Variants in RHPN2 observed in about 807,000 individuals in gnomAD.
The protein encoded by RHPN2 is rhophilin Rho GTPase binding protein 2.
RHPN2 carries 40 observed loss-of-function variants against 79.0 expected under a neutral mutation model. The ratio of observed to expected loss-of-function variants is 0.51; its 90% CI spans 0.39 to 0.66. The LOEUF is 0.66. RHPN2 is among the 30% of genes least tolerant of loss of function. The probability of loss-of-function intolerance (pLI) is 0.00; values close to 1 mark genes in which losing one functional copy is unlikely to be tolerated. For missense variants in RHPN2, 686 were observed against 883.5 expected (o/e 0.78, Z 2.83); for synonymous variants, 285 against 363.5 (o/e 0.78, Z 2.46).
At chr19:33,012,786 A>G (rs1971845759) in intron 4 of RHPN2, 62 bp from the exon 5 acceptor site, 2 of 913,808 alleles carry the variant, frequency 2.2e-6, no homozygotes, top group Admixed American at 1.7e-5. Context: ...TGTGCATAAT[A>G]GTAATATGTC....
intron 1 of RHPN2, 29 bp downstream of exon 1, chr19:33,064,755 T>TGGCCCC: frequency 9.3e-5 from 133 of 1,427,836 alleles, no homozygotes; most frequent in Non-Finnish European, 1.2e-4. Context: ...AGCCCGCAGG[T>TGGCCCC]CCCCGCCCGC....
In RHPN2 at chr19:33,033,163, G is replaced by A. The variant is rs150425286; in HGVS notation, c.186-6531C>T. The stretch of plus-strand genomic sequence containing the variant: ...ATAGCCCTTTCCACATCATGGGGGC[G>A]CTGAACAAATTTTAGTTCATGGAAG... On this transcript the variant is annotated intron_variant, in intron 2 of 14. Transcript: ENST00000254260. 8.3e-3 allele frequency among the ~76,000 whole-genome samples: 1,257 copies of A among 152,174 alleles called. 9 individuals carry two copies. The highest frequency in any genetic ancestry group is 0.013 in the Non-Finnish European group (911 of 68,010).
chr19:33,009,123 G>A (rs1181309181), intron 6 of RHPN2, among the ~76,000 whole-genome samples: 1 of 152,022 alleles, frequency 6.6e-6, no homozygotes, highest in Non-Finnish European at 1.5e-5. Flanking sequence ...GAGGGAGGGG[G>A]AGCACAAAGG....
intron 1 of RHPN2, among the ~76,000 whole-genome samples, chr19:33,050,754 C>T (rs1026959282): frequency 1.4e-4 from 22 of 152,278 alleles, no homozygotes; most frequent in Non-Finnish European, 2.1e-4. Flanking sequence ...ACTCGGCTCA[C>T]TGCAAACTCC....
At position 33,042,376 on chromosome 19, in the gene RHPN2, G is replaced by A. The variant is rs566306004; in HGVS notation, c.185+1873C>T. ...CGGCCTTCCCAGCACATGACAGGGA[G>A]TCCCAAAATCGGGGGCCTCTCTCAC... On this transcript the variant is annotated intron_variant, in intron 2 of 14. Coordinates refer to ENST00000254260, the MANE Select transcript of RHPN2 (RefSeq NM_033103.5). 3.3e-5 allele frequency among the ~76,000 whole-genome samples: 5 copies of A among 152,270 alleles called. No individual in the cohort carries two copies. In the East Asian group the frequency reaches 9.7e-4, roughly 29 times the overall value.
chr19:32,996,012 T>A lies in RHPN2; in HGVS notation c.1420+14A>T, dbSNP rs775220723. ...AGGCACCCCCACAGAGGGAACACAG[T>A]CTAGGCTACTCACCAACAACACTGG... is the stretch of plus-strand genomic sequence containing the variant. On this transcript the variant is annotated intron_variant, in intron 11 of 14. Transcript: ENST00000254260. 1 of 1,613,816 alleles carries A rather than the reference T, an allele frequency of 6.2e-7. No homozygotes were observed. Among genetic ancestry groups the A allele is most frequent in the Non-Finnish European group, 8.5e-7 (1 of 1,179,774 alleles).
At chr19:33,044,404 C>G (rs1972125710) in intron 1 of RHPN2, 40 bp from the exon 2 acceptor site, 1 of 1,344,850 alleles carries the variant, frequency 7.4e-7, no homozygotes, top group Non-Finnish European at 1.1e-6. Flanking sequence ...AGGTCGGCCA[C>G]TCTAAAAATG....
At chr19:33,063,935 C>G (rs1408094409) in intron 1 of RHPN2, among the ~76,000 whole-genome samples, 3 of 152,178 alleles carry the variant, frequency 2.0e-5, no homozygotes, top group Non-Finnish European at 4.4e-5. Context: ...CTCACGCCCT[C>G]CTGGACGACC....
At chr19:33,055,420 C>T (rs1230610259) in intron 1 of RHPN2, among the ~76,000 whole-genome samples, 1 of 151,740 alleles carries the variant, frequency 6.6e-6, no homozygotes, top group African/African-American at 2.4e-5. Flanking sequence ...GGGTCAGCAT[C>T]ACCAACCTTT....
At chr19:33,002,668 A>C (rs1971759139) in intron 8 of RHPN2, 145 bp downstream of exon 8, 1 of 904,684 alleles carries the variant, frequency 1.1e-6, no homozygotes, top group East Asian at 2.6e-5. Flanking sequence ...CTTGCCAAGA[A>C]AACTCAAGCC....
chr19:33,051,526 G>A lies in RHPN2; in HGVS notation c.70-7162C>T, dbSNP rs144495196. ...CTGAAAGCTTTGAGTGCAGCAATGC[G>A]GATTCACCTTGCTTGTAACTACTGT... On this transcript the variant is annotated intron_variant, in intron 1 of 14. Coordinates refer to ENST00000254260, the MANE Select transcript of RHPN2 (RefSeq NM_033103.5). 483 of 159,426 alleles carry A rather than the reference G, an allele frequency of 3.0e-3. 2 individuals carry two copies. Among genetic ancestry groups the A allele is most frequent in the African/African-American group, 0.011 (456 of 41,564 alleles). 9.9% of individuals were successfully genotyped at this position (159,426 alleles called of 1,614,324 possible).
intron 1 of RHPN2, among the ~76,000 whole-genome samples, chr19:33,061,928 A>C (rs557970296): frequency 1.3e-5 from 2 of 152,136 alleles, no homozygotes; most frequent in East Asian, 3.9e-4. Flanking sequence ...TCGGCCTCCC[A>C]AACTACTGGG....
At position 33,021,601 on chromosome 19, in the gene RHPN2, C is replaced by T. The variant is rs149833009; in HGVS notation, c.360G>A (p.Thr120=). The change falls in exon 4 of 15, where the codon ACG becomes ACA. Residue 120 remains threonine, a synonymous_variant. Coordinates refer to ENST00000254260, the MANE Select transcript of RHPN2 (RefSeq NM_033103.5). ...GGACGACTGCAAAGTCGACGTCTTT[C>T]GTTTCCTTCAGGCCAAGAGGAATCA... is the stretch of plus-strand genomic sequence containing the variant. ...IPLIPLGLKE[T]KDVDFAVVLK... 2.1e-5 allele frequency: 34 copies of T among 1,613,848 alleles called. No individual in the cohort carries two copies. In the East Asian group the frequency reaches 2.5e-4, roughly 12 times the overall value.
At chr19:33,048,492 G>A (rs1225588605) in intron 1 of RHPN2, among the ~76,000 whole-genome samples, 1 of 150,960 alleles carries the variant, frequency 6.6e-6, no homozygotes, top group Non-Finnish European at 1.5e-5. Flanking sequence ...TTGGGAGGCT[G>A]AGGCGGGTAG....
intron 1 of RHPN2, among the ~76,000 whole-genome samples, chr19:33,063,191 A>G (rs948598957): frequency 9.2e-5 from 14 of 152,236 alleles, no homozygotes; most frequent in African/African-American, 3.4e-4. Context: ...CCTCTGTCCC[A>G]AACGCCACAC....
At chr19:33,047,543 C>T (rs982080601) in intron 1 of RHPN2, among the ~76,000 whole-genome samples, 5 of 152,152 alleles carry the variant, frequency 3.3e-5, no homozygotes, top group Non-Finnish European at 5.9e-5. Context: ...TGCGGTTACT[C>T]CCTGGGAGCG....
intron 3 of RHPN2, among the ~76,000 whole-genome samples, chr19:33,024,292 G>A (rs187416488): frequency 6.6e-6 from 1 of 152,220 alleles, no homozygotes; most frequent in Non-Finnish European, 1.5e-5. Context: ...AATTAGCTGG[G>A]CATGGTGGCA....
intron 1 of RHPN2, among the ~76,000 whole-genome samples, chr19:33,063,482 T>A (rs1972298717): frequency 6.6e-6 from 1 of 152,174 alleles, no homozygotes; most frequent in Non-Finnish European, 1.5e-5. Flanking sequence ...AAAGTTTCAC[T>A]TCCCTATTTA....
Position 33,031,844 on chromosome 19 carries a change from T to C in RHPN2, c.186-5212A>G, listed in dbSNP as rs59973651. Among the ~76,000 whole-genome samples, 530 of 150,212 alleles carry C rather than the reference T, an allele frequency of 3.5e-3. 5 individuals carry two copies. Among genetic ancestry groups the C allele is most frequent in the African/African-American group, 0.012 (502 of 40,888 alleles). On this transcript the variant is annotated intron_variant, in intron 2 of 14. Transcript: ENST00000254260. Reference sequence around the variant, plus strand: ...CAGTGATTCTCCTGCCTCAGCCTCCTGAGTAGCTGGGACTACAGGCGCCCG... The same window carrying C: ...CAGTGATTCTCCTGCCTCAGCCTCCCGAGTAGCTGGGACTACAGGCGCCCG...
Sources: allele counts gnomAD v4.1 joint callset (sites outside exome capture counted in the v4.1 genomes callset), GRCh38; gene constraint gnomAD v4.1.1; transcripts MANE v1.5; gene names NCBI Gene and HGNC (gene_info 2026-07-23, HGNC 2026-07-21).